Variants in KCNIP4 observed in about 807,000 individuals in gnomAD.
The protein encoded by KCNIP4 is Kv channel-interacting protein 4.
A neutral mutation model predicts 34.0 loss-of-function variants in KCNIP4; 12 were observed. The ratio of observed to expected loss-of-function variants is 0.35; its 90% CI spans 0.23 to 0.57. The LOEUF is 0.57. Ranked by LOEUF, KCNIP4 falls within the 20% of genes least tolerant of loss-of-function variation. The pLI is 0.83. For missense variants in KCNIP4, 238 were observed against 311.7 expected (o/e 0.76, Z 1.78); for synonymous variants, 124 against 102.2 (o/e 1.21, Z -1.29).
chr4:20,971,618 T>C lies in KCNIP4; in HGVS notation c.62-88909A>G, dbSNP rs75699924. ...TACTGTTAAAAATTGATAACAATCA[T>C]GTTTCTTCAGCAATCTTGCAAAAAG... On this transcript the variant is annotated intron_variant, in intron 1 of 8. Transcript: ENST00000382152. 5.6e-3 allele frequency among the ~76,000 whole-genome samples: 850 copies of C among 152,330 alleles called. 7 individuals carry two copies. Among genetic ancestry groups the C allele is most frequent in the African/African-American group, 0.019 (808 of 41,580 alleles).
chr4:21,616,916 A>T (rs1051618535), intron 1 of KCNIP4, among the ~76,000 whole-genome samples: 1 of 152,220 alleles, frequency 6.6e-6, no homozygotes, highest in Non-Finnish European at 1.5e-5. Flanking sequence ...ACTTCAACAT[A>T]TCTTTTTAGA....
chr4:21,188,353 CA>C (rs1755390432), intron 1 of KCNIP4, among the ~76,000 whole-genome samples: 1 of 152,124 alleles, frequency 6.6e-6, no homozygotes, highest in African/African-American at 2.4e-5. Flanking sequence ...TCCACAGCTG[CA>C]AGCAACCAAA....
At chr4:21,527,611 T>G (rs1312477264) in intron 1 of KCNIP4, among the ~76,000 whole-genome samples, 1 of 152,190 alleles carries the variant, frequency 6.6e-6, no homozygotes, top group Non-Finnish European at 1.5e-5. Context: ...TGGCATATAA[T>G]AGGTGTTCAA....
intron 1 of KCNIP4, among the ~76,000 whole-genome samples, chr4:21,662,751 CAGG>C: frequency 6.6e-6 from 1 of 152,148 alleles, no homozygotes; most frequent in Admixed American, 6.5e-5. Flanking sequence ...GAAAAAGATT[CAGG>C]CTGGTACTGG....
Position 20,843,678 on chromosome 4 carries a change from G to A in KCNIP4, c.288+6865C>T, listed in dbSNP as rs529886941. Among the ~76,000 whole-genome samples the A allele has an allele frequency of 4.3e-4, 65 of 152,214 alleles. 1 individual carries two copies. Among genetic ancestry groups the A allele is most frequent in the African/African-American group, 1.2e-3 (50 of 41,550 alleles). On this transcript the variant is annotated intron_variant, in intron 3 of 8. Transcript: ENST00000382152. ...CCAGGAGGTGGAGTTTTCAGTGAGT[G>A]GAGATCGCGCCACTGCATTCCAGCC...
chr4:21,006,144 A>G (rs1418845006), intron 1 of KCNIP4, among the ~76,000 whole-genome samples: 3 of 152,212 alleles, frequency 2.0e-5, no homozygotes, highest in Middle Eastern at 3.2e-3. Flanking sequence ...TTAAGAGCAA[A>G]TCTTTGCTAT....
intron 1 of KCNIP4, among the ~76,000 whole-genome samples, chr4:21,576,807 T>C (rs1317308430): frequency 6.6e-6 from 1 of 152,148 alleles, no homozygotes; most frequent in Non-Finnish European, 1.5e-5. Flanking sequence ...CTTCAAACAG[T>C]ACATTCAACT....
intron 1 of KCNIP4, among the ~76,000 whole-genome samples, chr4:21,177,553 A>G (rs1290229858): frequency 6.6e-6 from 1 of 152,116 alleles, no homozygotes; most frequent in Non-Finnish European, 1.5e-5. Context: ...TTGGCAAGGC[A>G]CAGCGGCTCA....
At chr4:21,809,354 C>T (rs545979334) in intron 1 of KCNIP4, among the ~76,000 whole-genome samples, 3 of 152,302 alleles carry the variant, frequency 2.0e-5, no homozygotes, top group Non-Finnish European at 4.4e-5. Context: ...CCGCTAACCC[C>T]TACCTCGGTT....
chr4:21,813,189 T>C (rs995065843), intron 1 of KCNIP4, among the ~76,000 whole-genome samples: 1 of 152,166 alleles, frequency 6.6e-6, no homozygotes, highest in Admixed American at 6.5e-5. Flanking sequence ...TTTAGAACAA[T>C]TCATATCACC....
At chr4:21,103,640 T>C (rs891719553) in intron 1 of KCNIP4, among the ~76,000 whole-genome samples, 1 of 110,796 alleles carries the variant, frequency 9.0e-6, no homozygotes, top group Non-Finnish European at 1.9e-5. Flanking sequence ...ATGTGCAGGT[T>C]AGTTACATAC....
In KCNIP4 at chr4:21,155,804, G is replaced by A. The variant is rs146478111; in HGVS notation, c.62-273095C>T. ...ATTTGTTAGATAAATGCATGTAAAC[G>A]TTGGCAGAGGAGGGAAGAGTTGGCT... On this transcript the variant is annotated intron_variant, in intron 1 of 8. Transcript: ENST00000382152. 4.3e-4 allele frequency among the ~76,000 whole-genome samples: 66 copies of A among 152,318 alleles called. 1 individual carries two copies. The East Asian group carries it at 7.3e-3, about 17-fold the overall frequency.
intron 1 of KCNIP4, among the ~76,000 whole-genome samples, chr4:21,005,230 G>C (rs963584676): frequency 5.9e-5 from 9 of 152,192 alleles, no homozygotes; most frequent in Admixed American, 2.0e-4. Flanking sequence ...GAAAGGCCAC[G>C]AGTTTCCCCT....
intron 4 of KCNIP4, among the ~76,000 whole-genome samples, chr4:20,750,310 C>G (rs1447094418): frequency 6.6e-6 from 1 of 152,136 alleles, no homozygotes; most frequent in Non-Finnish European, 1.5e-5. Context: ...TCAGCCAGTA[C>G]CAGGCTAGCC....
At chr4:21,599,771 G>C (rs1020394849) in intron 1 of KCNIP4, among the ~76,000 whole-genome samples, 6 of 151,994 alleles carry the variant, frequency 3.9e-5, no homozygotes, top group Admixed American at 1.3e-4. Context: ...AACTTTCCTG[G>C]TTTACCTACC....
At chr4:20,864,225 T>TAC (rs1722605547) in intron 2 of KCNIP4, among the ~76,000 whole-genome samples, 1 of 147,182 alleles carries the variant, frequency 6.8e-6, no homozygotes, top group African/African-American at 2.5e-5. Flanking sequence ...TATATATGCA[T>TAC]ATATATGTAC....
chr4:21,861,570 A>G (rs4696990), intron 1 of KCNIP4, among the ~76,000 whole-genome samples: 147,730 of 150,912 alleles, frequency 0.98, 72,394 homozygotes, highest in East Asian at 1. Flanking sequence ...AGAATCACTT[A>G]AGCCGGGACA....
chr4:21,258,989 T>C (rs1315427522), intron 1 of KCNIP4, among the ~76,000 whole-genome samples: 1 of 152,204 alleles, frequency 6.6e-6, no homozygotes, highest in Non-Finnish European at 1.5e-5. Context: ...GGATGCTGGA[T>C]GTGGATGGTA....
intron 3 of KCNIP4, among the ~76,000 whole-genome samples, chr4:20,780,374 G>T (rs553065278): frequency 6.6e-6 from 1 of 152,176 alleles, no homozygotes; most frequent in Admixed American, 6.6e-5. Flanking sequence ...TGAAGCTCAG[G>T]TGAGTGGCTG....
Sources: gnomAD v4.1 joint callset for allele counts (sites outside exome capture counted in the v4.1 genomes callset) on GRCh38, gnomAD v4.1.1 for gene constraint, MANE v1.5 for transcripts, NCBI Gene and HGNC (gene_info 2026-07-23, HGNC 2026-07-21) for gene names.